AGBL1: variants seen among roughly 807,000 people sequenced by gnomAD.
AGBL1 encodes AGBL carboxypeptidase 1.
A neutral mutation model predicts 118.9 loss-of-function variants in AGBL1; 130 were observed. The observed-to-expected ratio is 1.09, with a 90% CI of 0.95 to 1.26. The LOEUF is 1.26. Among genes scored for constraint, AGBL1 ranks in the 50% most tolerant of loss-of-function variants. The probability of loss-of-function intolerance (pLI) is 0.00; values close to 1 mark genes in which losing one functional copy is unlikely to be tolerated. For missense variants in AGBL1, 1,584 were observed against 1,298.1 expected, an observed-to-expected ratio of 1.22 and a Z score of -3.38; for synonymous variants, 555 against 478.9, an observed-to-expected ratio of 1.16 and a Z score of -2.08.
intron 22 of AGBL1, among the ~76,000 whole-genome samples, chr15:86,738,780 G>A: frequency 6.6e-6 from 1 of 152,038 alleles, no homozygotes; most frequent in South Asian, 2.1e-4. Flanking sequence ...GCATTATAAG[G>A]CTCCAAAAGA....
At chr15:86,691,543 G>A (rs902379169) in intron 22 of AGBL1, among the ~76,000 whole-genome samples, 1 of 152,120 alleles carries the variant, frequency 6.6e-6, no homozygotes, top group Non-Finnish European at 1.5e-5. Context: ...CTTGTAAAAT[G>A]CTCCCAGATG....
At chr15:86,199,775 C>A (rs189289780) in intron 5 of AGBL1, among the ~76,000 whole-genome samples, 3 of 152,076 alleles carry the variant, frequency 2.0e-5, no homozygotes, top group African/African-American at 7.2e-5. Context: ...TTAAAATTTG[C>A]GTAGTGTTTA....
chr15:86,357,223 G>T (rs1324139045), intron 17 of AGBL1, among the ~76,000 whole-genome samples: 1 of 152,148 alleles, frequency 6.6e-6, no homozygotes, highest in Non-Finnish European at 1.5e-5. Flanking sequence ...AGTAGCAACA[G>T]GAAAACAGAT....
chr15:86,502,951 C>G (rs896349875), intron 18 of AGBL1, among the ~76,000 whole-genome samples: 3 of 151,200 alleles, frequency 2.0e-5, no homozygotes, highest in Non-Finnish European at 4.4e-5. Context: ...AAATTGTTTC[C>G]TTCTTATGTA....
At chr15:86,767,812 A>C (rs2078117762) in intron 22 of AGBL1, among the ~76,000 whole-genome samples, 1 of 151,978 alleles carries the variant, frequency 6.6e-6, no homozygotes, top group Admixed American at 6.6e-5. Context: ...TACTGGTAGC[A>C]TTCTGTAAAG....
At chr15:87,005,123 T>G (rs999765152) in intron 24 of AGBL1, among the ~76,000 whole-genome samples, 3 of 152,182 alleles carry the variant, frequency 2.0e-5, no homozygotes, top group Admixed American at 6.5e-5. Context: ...GCCCTTAACA[T>G]TTTTTCCTTC....
rs546076892 is a variant in AGBL1, at chr15:86,840,346, T to C, written c.3159-66741T>C. Among the ~76,000 whole-genome samples, 206 of 152,312 alleles carry C rather than the reference T, an allele frequency of 1.4e-3. 1 individual carries two copies. The highest frequency in any genetic ancestry group is 4.7e-3 in the African/African-American group (195 of 41,570). On this transcript the variant is annotated intron_variant, in intron 22 of 22. Transcript: ENST00000614907. The stretch of plus-strand genomic sequence containing the variant: ...TAAGTTGAGAGATGGAGTATTCTTA[T>C]TGCTCCAAGATGACACTGTGTGGAA...
intron 22 of AGBL1, among the ~76,000 whole-genome samples, chr15:86,854,966 C>G (rs555894538): frequency 6.6e-6 from 1 of 152,174 alleles, no homozygotes; most frequent in East Asian, 1.9e-4. Flanking sequence ...TTTGCTACAC[C>G]CCCCCACTGG....
intron 17 of AGBL1, among the ~76,000 whole-genome samples, chr15:86,344,983 A>G (rs547162206): frequency 2.0e-4 from 31 of 152,242 alleles, no homozygotes; most frequent in African/African-American, 6.7e-4. Flanking sequence ...TTTTCCTACA[A>G]TTAATTATTT....
chr15:86,112,185 C>T (rs1897430348), intron 1 of AGBL1, among the ~76,000 whole-genome samples: 2 of 152,016 alleles, frequency 1.3e-5, no homozygotes, highest in South Asian at 2.1e-4. Flanking sequence ...AATCAACCCA[C>T]AACTACCACC....
intron 22 of AGBL1, among the ~76,000 whole-genome samples, chr15:86,764,758 T>C (rs945261852): frequency 6.6e-6 from 1 of 152,090 alleles, no homozygotes; most frequent in Non-Finnish European, 1.5e-5. Context: ...GTCCAACTTA[T>C]TTTATAACTA....
intron 5 of AGBL1, among the ~76,000 whole-genome samples, chr15:86,194,233 C>T (rs2077765213): frequency 1.3e-5 from 2 of 152,152 alleles, no homozygotes; most frequent in Non-Finnish European, 2.9e-5. Flanking sequence ...TTTCAAAAAC[C>T]TCTCTCCTCG....
At chr15:86,838,037 C>G (rs2079193013) in intron 22 of AGBL1, among the ~76,000 whole-genome samples, 1 of 152,116 alleles carries the variant, frequency 6.6e-6, no homozygotes, top group African/African-American at 2.4e-5. Context: ...ATTATTTCAC[C>G]TAGTTTTTGG....
chr15:86,685,413 T>G lies in AGBL1; in HGVS notation c.3158+10977T>G, dbSNP rs375279744. On this transcript the variant is annotated intron_variant, in intron 22 of 22. Transcript: ENST00000614907. Reference sequence around the variant, plus strand: ...ATAACTTAGCATAAGCCAATATTGTTTCAGTACAATAGGAATGGAAACTAA... The same window carrying G: ...ATAACTTAGCATAAGCCAATATTGTGTCAGTACAATAGGAATGGAAACTAA... 3.3e-4 allele frequency among the ~76,000 whole-genome samples: 51 copies of G among 152,244 alleles called. 2 individuals are homozygous for G. In the South Asian group the frequency reaches 0.011, roughly 32 times the overall value.
At chr15:86,409,723 T>A (rs1008106649) in intron 18 of AGBL1, among the ~76,000 whole-genome samples, 11 of 152,174 alleles carry the variant, frequency 7.2e-5, no homozygotes, top group South Asian at 2.1e-4. Flanking sequence ...AAATTAAAAA[T>A]GATTCAGTGT....
intron 22 of AGBL1, among the ~76,000 whole-genome samples, chr15:86,806,176 T>C (rs78599905): frequency 0.02 from 2,984 of 152,148 alleles, 106 homozygotes; most frequent in East Asian, 0.092. Context: ...GGACAATACA[T>C]TGTCATGCAT....
intron 22 of AGBL1, among the ~76,000 whole-genome samples, chr15:86,871,375 C>T (rs1321588248): frequency 6.6e-6 from 1 of 152,136 alleles, no homozygotes. Flanking sequence ...ACAAAACAAG[C>T]CTAAATGAAC....
chr15:86,440,695 G>T (rs553691896), intron 18 of AGBL1, among the ~76,000 whole-genome samples: 132 of 152,138 alleles, frequency 8.7e-4, no homozygotes, highest in African/African-American at 3.1e-3. Flanking sequence ...TTAACCCAAG[G>T]TAGAGTATGT....
intron 21 of AGBL1, among the ~76,000 whole-genome samples, chr15:86,651,940 T>C (rs867530679): frequency 3.9e-5 from 6 of 152,098 alleles, no homozygotes; most frequent in African/African-American, 1.4e-4. Flanking sequence ...AAAGTGTCAT[T>C]GAGATGGGGG....
Sources: gnomAD v4.1 joint callset for allele counts (sites outside exome capture counted in the v4.1 genomes callset) on GRCh38, gnomAD v4.1.1 for gene constraint, MANE v1.5 for transcripts, NCBI Gene and HGNC (gene_info 2026-07-23, HGNC 2026-07-21) for gene names.